Variants in SLC25A21 observed in about 807,000 individuals in gnomAD.
The protein encoded by SLC25A21 is solute carrier family 25 member 21.
Under a neutral mutation model 43.8 loss-of-function variants are expected in SLC25A21, and 47 were observed. That is an observed-to-expected ratio of 1.07 (90% CI 0.85 to 1.37). SLC25A21 has a LOEUF of 1.37. SLC25A21 is among the 40% of genes most tolerant of loss of function. The probability of loss-of-function intolerance (pLI) is 0.00; values close to 1 mark genes in which losing one functional copy is unlikely to be tolerated. For synonymous variants in SLC25A21, 131 were observed against 121.3 expected (o/e 1.08, Z -0.52); for missense variants, 352 against 350.2 (o/e 1.00, Z -0.04).
In SLC25A21 at chr14:36,930,196, A is replaced by T. The variant is rs111809867; in HGVS notation, c.71-55192T>A. On this transcript the variant is annotated intron_variant, in intron 1 of 9. Transcript: ENST00000331299. ...CCTTGCTGAGCCTATTAACCCCAGA[A>T]CTAGACATATTAATAAATTGTTGTC... 5.4e-4 allele frequency among the ~76,000 whole-genome samples: 82 copies of T among 152,278 alleles called. 1 individual carries two copies. The highest frequency in any genetic ancestry group is 1.7e-3 in the African/African-American group (71 of 41,566).
intron 1 of SLC25A21, among the ~76,000 whole-genome samples, chr14:36,993,387 T>C (rs79052031): frequency 6.6e-6 from 1 of 152,180 alleles, no homozygotes; most frequent in Non-Finnish European, 1.5e-5. Context: ...TTAGATTTAA[T>C]TGAGAAAATA....
At chr14:37,158,203 AGAG>A (rs1963882718) in intron 1 of SLC25A21, among the ~76,000 whole-genome samples, 1 of 152,188 alleles carries the variant, frequency 6.6e-6, no homozygotes. Context: ...AAAAAACTGA[AGAG>A]GAGGTAATTC....
At chr14:37,105,366 A>G (rs1255942390) in intron 1 of SLC25A21, among the ~76,000 whole-genome samples, 1 of 152,184 alleles carries the variant, frequency 6.6e-6, no homozygotes, top group East Asian at 1.9e-4. Context: ...TAGTCAGAGG[A>G]GTCCTGACTA....
rs1017124972 is a variant in SLC25A21 at position 37,172,575 on chromosome 14, C to T, written c.-225G>A. ...TGTTCGCAGCGCTCTCGCAGAGGCG[C>T]CCTCGGCTCCGAAAATGTCTCTGGA... is the stretch of plus-strand genomic sequence containing the variant. On this transcript the variant is annotated 5_prime_UTR_variant, in exon 1 of 10. Coordinates refer to ENST00000331299, the MANE Select transcript of SLC25A21 (RefSeq NM_030631.4). 20 of 699,692 alleles carry T rather than the reference C, an allele frequency of 2.9e-5. No individual in the cohort carries two copies. The highest frequency in any genetic ancestry group is 4.4e-5 in the Non-Finnish European group (17 of 383,536). 43.3% of individuals were successfully genotyped at this position (699,692 alleles called of 1,614,324 possible).
At chr14:36,839,574 AG>A (rs1193143190) in intron 2 of SLC25A21, among the ~76,000 whole-genome samples, 3 of 152,256 alleles carry the variant, frequency 2.0e-5, no homozygotes, top group Non-Finnish European at 2.9e-5. Context: ...CTTTGAATCC[AG>A]TCAAATGGAG....
At chr14:36,789,717 TATATA>T (rs1363874809) in intron 3 of SLC25A21, among the ~76,000 whole-genome samples, 7 of 134,720 alleles carry the variant, frequency 5.2e-5, no homozygotes, top group East Asian at 2.0e-4. Context: ...TATATATTTA[TATATA>T]ATATATTTTA....
At chr14:37,038,970 C>T (rs186503417) in intron 1 of SLC25A21, among the ~76,000 whole-genome samples, 5 of 152,312 alleles carry the variant, frequency 3.3e-5, no homozygotes, top group African/African-American at 1.2e-4. Flanking sequence ...CCCCAGCCCC[C>T]TCTTTGCTCC....
At chr14:37,138,809 G>C (rs1031677645) in intron 1 of SLC25A21, among the ~76,000 whole-genome samples, 1 of 152,026 alleles carries the variant, frequency 6.6e-6, no homozygotes, top group Non-Finnish European at 1.5e-5. Flanking sequence ...TATTTTAAAT[G>C]TTTATATTCT....
intron 8 of SLC25A21, 124 bp downstream of exon 8, chr14:36,684,620 C>CAG (rs148483001): frequency 0.062 from 50,102 of 813,646 alleles, 3,404 homozygotes; most frequent in East Asian, 0.33. Context: ...TATATATTCG[C>CAG]AGTTTCTTAG....
chr14:36,678,215 T>C lies in SLC25A21; in HGVS notation c.*2443A>G, dbSNP rs141026836. 1,602 of 504,360 alleles carry C rather than the reference T, an allele frequency of 3.2e-3. 21 individuals carry two copies. The highest frequency in any genetic ancestry group is 0.027 in the African/African-American group (1,416 of 52,566). The allele number at this position is 504,360 out of a possible 1,614,324, so 31.2% of individuals were successfully genotyped here. A position where few individuals can be genotyped will look rare whatever the true frequency, so the allele number is the denominator to read the frequency against. On this transcript the variant is annotated 3_prime_UTR_variant, in exon 10 of 10. Coordinates refer to ENST00000331299, the MANE Select transcript of SLC25A21 (RefSeq NM_030631.4). ...TGGCTTCGTTTAAAACTCAGATGGC[T>C]AGATTAGTTAGGTTTTCAAATCACT...
chr14:36,866,283 A>G (rs1181888809), intron 2 of SLC25A21, among the ~76,000 whole-genome samples: 1 of 152,180 alleles, frequency 6.6e-6, no homozygotes, highest in African/African-American at 2.4e-5. Flanking sequence ...GGGCACTTTT[A>G]AAAAGATCAG....
intron 1 of SLC25A21, among the ~76,000 whole-genome samples, chr14:37,114,193 T>C (rs754065257): frequency 3.3e-5 from 5 of 152,212 alleles, no homozygotes; most frequent in Non-Finnish European, 7.3e-5. Flanking sequence ...TTTGCATTCC[T>C]CTAAATATAT....
At chr14:36,939,161 C>A (rs78677088) in intron 1 of SLC25A21, among the ~76,000 whole-genome samples, 1 of 152,052 alleles carries the variant, frequency 6.6e-6, no homozygotes, top group South Asian at 2.1e-4. Context: ...TGTTTCCCAG[C>A]TAATTTGTAA....
At chr14:36,845,602 A>G (rs910008764) in intron 2 of SLC25A21, among the ~76,000 whole-genome samples, 2 of 152,252 alleles carry the variant, frequency 1.3e-5, no homozygotes, top group African/African-American at 4.8e-5. Context: ...CATTTTAAAA[A>G]GTCTTAATTC....
rs79761376 is a variant in SLC25A21 at position 36,681,600 on chromosome 14, A to T, written c.839-881T>A. Among the ~76,000 whole-genome samples the T allele has an allele frequency of 9.2e-3, 1,406 of 152,326 alleles. 27 individuals are homozygous for T. Among genetic ancestry groups the T allele is most frequent in the African/African-American group, 0.032 (1,342 of 41,570 alleles). On this transcript the variant is annotated intron_variant, in intron 9 of 9. Coordinates refer to ENST00000331299, the MANE Select transcript of SLC25A21 (RefSeq NM_030631.4). ...TATGTCTAACTGTGTGAAAAACATC[A>T]CAAAATCAAAATTTGGACAAATATC... is the stretch of plus-strand genomic sequence containing the variant.
At chr14:36,776,754 A>C (rs2138368979) in intron 3 of SLC25A21, among the ~76,000 whole-genome samples, 1 of 152,202 alleles carries the variant, frequency 6.6e-6, no homozygotes, top group South Asian at 2.1e-4. Flanking sequence ...CTCAGCATAT[A>C]ATATTGCCTT....
intron 1 of SLC25A21, among the ~76,000 whole-genome samples, chr14:37,048,458 G>A (rs540880327): frequency 6.7e-5 from 10 of 149,510 alleles, no homozygotes; most frequent in Middle Eastern, 3.4e-3. Context: ...AAATTACTAC[G>A]TCTTCCTGGT....
chr14:36,971,613 T>A (rs1451740461), intron 1 of SLC25A21, among the ~76,000 whole-genome samples: 2 of 151,950 alleles, frequency 1.3e-5, no homozygotes, highest in Non-Finnish European at 2.9e-5. Flanking sequence ...TTCGGGCACC[T>A]CTCTCTCAAA....
chr14:37,070,958 T>A (rs1962158723), intron 1 of SLC25A21, among the ~76,000 whole-genome samples: 1 of 152,164 alleles, frequency 6.6e-6, no homozygotes, highest in African/African-American at 2.4e-5. Flanking sequence ...GAAGGACTCA[T>A]CACACAAGGT....
Sources: allele counts gnomAD v4.1 joint callset (sites outside exome capture counted in the v4.1 genomes callset), GRCh38; gene constraint gnomAD v4.1.1; transcripts MANE v1.5; gene names NCBI Gene and HGNC (gene_info 2026-07-23, HGNC 2026-07-21).